Variants in CAST observed in about 807,000 individuals in gnomAD.
CAST encodes the protein calpastatin, also known as MIR583 host.
CAST carries 76 observed loss-of-function variants against 119.6 expected under a neutral mutation model. The observed-to-expected ratio is 0.64, with a 90% CI of 0.53 to 0.77. The LOEUF is 0.77. Ranked by LOEUF, CAST falls within the 30% of genes least tolerant of loss-of-function variation. The pLI is 0.00. For synonymous variants in CAST, 319 were observed against 331.6 expected (o/e 0.96, Z 0.41); for missense variants, 953 against 946.5 (o/e 1.01, Z -0.09).
the CAST span, among the ~76,000 whole-genome samples, chr5:96,337,337 A>G: frequency 1.3e-5 from 2 of 152,206 alleles, no homozygotes; most frequent in Admixed American, 1.3e-4. Context: ...ATTTAATGGT[A>G]AGAACCAACT....
At chr5:96,052,243 C>T in the CAST span, among the ~76,000 whole-genome samples, 2,143 of 152,300 alleles carry the variant, frequency 0.014, 41 homozygotes, top group African/African-American at 0.049. Context: ...GTGACCATCA[C>T]GTGGGCCCCT....
At chr5:96,224,904 C>T in the CAST span, among the ~76,000 whole-genome samples, 1 of 152,282 alleles carries the variant, frequency 6.6e-6, no homozygotes, top group South Asian at 2.1e-4. Context: ...CTGAACTGGC[C>T]AACTCAGCTC....
At chr5:95,975,928 A>T in the CAST span, among the ~76,000 whole-genome samples, 6 of 152,130 alleles carry the variant, frequency 3.9e-5, no homozygotes, top group Non-Finnish European at 8.8e-5. Context: ...GGGGGAGTCA[A>T]ATCTTGTGGC....
At chr5:96,337,819 C>T in the CAST span, among the ~76,000 whole-genome samples, 5 of 152,236 alleles carry the variant, frequency 3.3e-5, no homozygotes, top group Non-Finnish European at 5.9e-5. Context: ...GGTTTTACTT[C>T]TCTCTTCATT....
chr5:96,513,400 C>A, the CAST span, among the ~76,000 whole-genome samples: 1 of 152,120 alleles, frequency 6.6e-6, no homozygotes, highest in Non-Finnish European at 1.5e-5. Flanking sequence ...TGGGGAAATA[C>A]AAAGCAGGGA....
intron 30 of CAST, among the ~76,000 whole-genome samples, chr5:96,771,204 T>G (rs146805545): frequency 2.2e-4 from 34 of 152,306 alleles, no homozygotes; most frequent in African/African-American, 7.9e-4. Flanking sequence ...GTTTAAATAC[T>G]TATTTGCCTA....
At chr5:96,270,752 T>C in the CAST span, among the ~76,000 whole-genome samples, 1,076 of 152,126 alleles carry the variant, frequency 7.1e-3, 11 homozygotes, top group African/African-American at 0.025. Context: ...GAACAGCTAA[T>C]GAATGCTGGG....
chr5:96,233,294 C>T, the CAST span, among the ~76,000 whole-genome samples: 1,452 of 152,110 alleles, frequency 9.5e-3, 30 homozygotes, highest in African/African-American at 0.034. Flanking sequence ...CAGAACACCT[C>T]TGAGGAAACA....
chr5:96,314,777 T>G, the CAST span, among the ~76,000 whole-genome samples: 1 of 152,186 alleles, frequency 6.6e-6, no homozygotes, highest in Non-Finnish European at 1.5e-5. Context: ...TTCTGTATCC[T>G]TCCTAGACGC....
chr5:96,181,513 T>C, the CAST span, among the ~76,000 whole-genome samples: 8 of 152,326 alleles, frequency 5.3e-5, no homozygotes, highest in South Asian at 1.0e-3. Flanking sequence ...CAAACCACTG[T>C]TGGCCATTTT....
At chr5:96,382,016 T>C in the CAST span, among the ~76,000 whole-genome samples, 2 of 152,238 alleles carry the variant, frequency 1.3e-5, no homozygotes, top group Non-Finnish European at 2.9e-5. Context: ...AAGTGTACTA[T>C]TAGCTGACAT....
intron 2 of CAST, among the ~76,000 whole-genome samples, chr5:96,684,627 A>G (rs902905459): frequency 1.3e-5 from 2 of 151,592 alleles, no homozygotes; most frequent in African/African-American, 2.4e-5. Flanking sequence ...CAGTGGTGCA[A>G]TCTTGGCTCA....
At chr5:96,236,244 T>C in the CAST span, among the ~76,000 whole-genome samples, 2 of 152,334 alleles carry the variant, frequency 1.3e-5, no homozygotes, top group East Asian at 3.9e-4. Flanking sequence ...ACCATAATGG[T>C]AACTGCAATT....
At chr5:96,749,075 A>T (rs1044987105) in intron 19 of CAST, among the ~76,000 whole-genome samples, 1 of 152,070 alleles carries the variant, frequency 6.6e-6, no homozygotes, top group African/African-American at 2.4e-5. Flanking sequence ...TTCCTACCAA[A>T]CTGTGTCCCT....
chr5:96,585,097 A>G (rs1746836736), intron 1 of CAST: 2 of 152,184 alleles, frequency 1.3e-5, no homozygotes, highest in South Asian at 2.1e-4. Context: ...TGTTATGGCT[A>G]ATTGATATTA....
At chr5:96,031,641 A>G in the CAST span, among the ~76,000 whole-genome samples, 1 of 152,172 alleles carries the variant, frequency 6.6e-6, no homozygotes, top group Admixed American at 6.6e-5. Flanking sequence ...AAGTGTAGCA[A>G]AAATCTTGCT....
intron 1 of CAST, among the ~76,000 whole-genome samples, chr5:96,547,865 T>C (rs751106741): frequency 1.1e-4 from 16 of 152,198 alleles, no homozygotes; most frequent in Non-Finnish European, 5.9e-5. Flanking sequence ...TTGCTTTTGG[T>C]TCACAATCTT....
At chr5:96,547,830 A>G (rs960401592) in intron 1 of CAST, among the ~76,000 whole-genome samples, 3 of 152,168 alleles carry the variant, frequency 2.0e-5, no homozygotes, top group Non-Finnish European at 4.4e-5. Context: ...ATTAATTTCA[A>G]CTATTTGGGA....
the CAST span, among the ~76,000 whole-genome samples, chr5:96,043,138 A>G: frequency 6.6e-6 from 1 of 152,236 alleles, no homozygotes; most frequent in Non-Finnish European, 1.5e-5. Flanking sequence ...TTTCTAAAAT[A>G]CAAGATTAAA....
Sources: gnomAD v4.1 joint callset for allele counts (sites outside exome capture counted in the v4.1 genomes callset) on GRCh38, gnomAD v4.1.1 for gene constraint, MANE v1.5 for transcripts, NCBI Gene and HGNC (gene_info 2026-07-23, HGNC 2026-07-21) for gene names.